The following ERBB4 variants were observed in gnomAD, a reference collection of about 807,000 sequenced individuals.
The protein encoded by ERBB4 is receptor tyrosine-protein kinase erbB-4.
A neutral mutation model predicts 158.0 loss-of-function variants in ERBB4; 42 were observed. The ratio of observed to expected loss-of-function variants is 0.27; its 90% CI spans 0.21 to 0.34. ERBB4 has a LOEUF of 0.34. Ranked by LOEUF, ERBB4 falls within the 10% of genes least tolerant of loss-of-function variation. The pLI, the probability that ERBB4 is intolerant of heterozygous loss-of-function variation, is 1.00. For missense variants in ERBB4, 1,333 were observed against 1,624.1 expected, an observed-to-expected ratio of 0.82 and a Z score of 3.08; for synonymous variants, 583 against 558.7, an observed-to-expected ratio of 1.04 and a Z score of -0.61.
intron 12 of ERBB4, among the ~76,000 whole-genome samples, chr2:211,701,054 T>C (rs1319540452): frequency 6.6e-6 from 1 of 152,318 alleles, no homozygotes; most frequent in South Asian, 2.1e-4. Context: ...AGGAATGGCA[T>C]AGTCATGTGC....
chr2:211,610,135 T>C (rs540249456), intron 19 of ERBB4, among the ~76,000 whole-genome samples: 3 of 152,184 alleles, frequency 2.0e-5, no homozygotes, highest in Admixed American at 6.5e-5. Flanking sequence ...TTTTATCTTT[T>C]ATCCACATAC....
chr2:211,583,144 T>A (rs1464500388), intron 19 of ERBB4, among the ~76,000 whole-genome samples: 1 of 152,112 alleles, frequency 6.6e-6, no homozygotes. Flanking sequence ...TAGTGGACAG[T>A]GTATTTTTCA....
chr2:212,266,297 G>A (rs958679649), intron 1 of ERBB4, among the ~76,000 whole-genome samples: 1 of 151,660 alleles, frequency 6.6e-6, no homozygotes, highest in Non-Finnish European at 1.5e-5. Flanking sequence ...CCAAAAGAAG[G>A]ACTTCTAATC....
intron 1 of ERBB4, among the ~76,000 whole-genome samples, chr2:212,129,189 T>A: frequency 6.6e-6 from 1 of 151,642 alleles, no homozygotes; most frequent in Admixed American, 6.6e-5. Flanking sequence ...ATATAATTTA[T>A]GTTGTATAGT....
At chr2:211,508,763 C>A (rs899644362) in intron 20 of ERBB4, among the ~76,000 whole-genome samples, 1 of 152,084 alleles carries the variant, frequency 6.6e-6, no homozygotes, top group Non-Finnish European at 1.5e-5. Flanking sequence ...CCCAAACGCC[C>A]ATCAGTGATA....
intron 19 of ERBB4, among the ~76,000 whole-genome samples, chr2:211,607,292 T>G (rs1486656701): frequency 6.6e-6 from 1 of 152,186 alleles, no homozygotes; most frequent in Non-Finnish European, 1.5e-5. Context: ...TAAGCAGCAT[T>G]TTTGCTATTA....
At chr2:212,443,161 C>G (rs182889501) in intron 1 of ERBB4, among the ~76,000 whole-genome samples, 1 of 152,346 alleles carries the variant, frequency 6.6e-6, no homozygotes, top group East Asian at 1.9e-4. Context: ...CAGCAATGTA[C>G]CTTTACTGTC....
chr2:212,106,339 G>A (rs1559507990), intron 2 of ERBB4, among the ~76,000 whole-genome samples: 1 of 152,194 alleles, frequency 6.6e-6, no homozygotes. Context: ...CTCTTGTTAT[G>A]TTTTAACAAA....
chr2:212,032,626 A>G (rs986354711), intron 2 of ERBB4, among the ~76,000 whole-genome samples: 2 of 152,086 alleles, frequency 1.3e-5, no homozygotes, highest in African/African-American at 4.8e-5. Context: ...AATAATCTTT[A>G]GAGAAAATTA....
intron 1 of ERBB4, among the ~76,000 whole-genome samples, chr2:212,521,635 C>CTTTTATA (rs1184600061): frequency 5.9e-4 from 85 of 143,416 alleles, no homozygotes; most frequent in African/African-American, 2.2e-3. Context: ...TACTATGTAC[C>CTTTTATA]TGATGCTATT....
chr2:211,944,199 A>ATATATAT (rs1559155134), intron 3 of ERBB4, among the ~76,000 whole-genome samples: 2 of 107,872 alleles, frequency 1.9e-5, no homozygotes, highest in Non-Finnish European at 3.6e-5. Flanking sequence ...ATATATATAT[A>ATATATAT]CTATATATAT....
intron 13 of ERBB4, among the ~76,000 whole-genome samples, chr2:211,677,577 T>TA (rs566073475): frequency 0.017 from 1,956 of 117,330 alleles, 42 homozygotes; most frequent in African/African-American, 0.049. Context: ...AAAAATAAAT[T>TA]AAAAAAAAAA....
At chr2:211,633,244 AAATT>A (rs1220145824) in intron 16 of ERBB4, among the ~76,000 whole-genome samples, 4 of 152,132 alleles carry the variant, frequency 2.6e-5, no homozygotes, top group Non-Finnish European at 4.4e-5. Flanking sequence ...ATCTAAATAT[AAATT>A]ATATAGTAGA....
At chr2:212,373,741 ATATATATCCATGTATATATCCACG>A (rs2090167043) in intron 1 of ERBB4, among the ~76,000 whole-genome samples, 1 of 138,878 alleles carries the variant, frequency 7.2e-6, no homozygotes, top group Non-Finnish European at 1.6e-5. Context: ...ATATATCCAT[ATATATATCCATGTATATATCCACG>A]TATATATCCA....
intron 20 of ERBB4, among the ~76,000 whole-genome samples, chr2:211,431,986 AG>A (rs976260505): frequency 4.5e-4 from 68 of 152,246 alleles, no homozygotes; most frequent in South Asian, 1.0e-3. Context: ...AGGTAAACTA[AG>A]GGTTGCTAAA....
Position 211,849,860 on chromosome 2 carries a change from T to C in ERBB4, c.422-61701A>G, listed in dbSNP as rs573568867. Among the ~76,000 whole-genome samples, 3 of 152,132 alleles carry C rather than the reference T, an allele frequency of 2.0e-5. No homozygotes were observed. The South Asian group carries it at 6.2e-4, about 32-fold the overall frequency. On this transcript the variant is annotated intron_variant, in intron 3 of 27. Coordinates refer to ENST00000342788, the MANE Select transcript of ERBB4 (RefSeq NM_005235.3). ...AAATGAGGTGGAGAATAGCACATTT[T>C]ATGCACAAATAGCATGTTTGGTTTT... is the stretch of plus-strand genomic sequence containing the variant.
chr2:211,523,453 T>G lies in ERBB4; in HGVS notation c.2487+38450A>C, dbSNP rs375112882. On this transcript the variant is annotated intron_variant, in intron 20 of 27. Coordinates refer to ENST00000342788, the MANE Select transcript of ERBB4 (RefSeq NM_005235.3). ...ACTTCAAGAATGAAGCGGTGGACCC[T>G]TGCGGTGAGTGTTACAGCTCTTAAG... Among the ~76,000 whole-genome samples, 138 of 151,620 alleles carry G rather than the reference T, an allele frequency of 9.1e-4. 1 individual carries two copies. Among genetic ancestry groups the G allele is most frequent in the African/African-American group, 3.1e-3 (128 of 41,384 alleles).
intron 1 of ERBB4, among the ~76,000 whole-genome samples, chr2:212,497,143 A>C (rs1346599399): frequency 1.4e-5 from 2 of 146,972 alleles, no homozygotes; most frequent in Non-Finnish European, 3.0e-5. Context: ...ACACCATTGC[A>C]CTCCAGCCTG....
intron 1 of ERBB4, among the ~76,000 whole-genome samples, chr2:212,470,526 T>G (rs1689064994): frequency 6.6e-6 from 1 of 152,112 alleles, no homozygotes; most frequent in Admixed American, 6.6e-5. Flanking sequence ...ACCTTATTCT[T>G]TGAATGGCAA....
Sources: gnomAD v4.1 joint callset for allele counts (sites outside exome capture counted in the v4.1 genomes callset) on GRCh38, gnomAD v4.1.1 for gene constraint, MANE v1.5 for transcripts, NCBI Gene and HGNC (gene_info 2026-07-23, HGNC 2026-07-21) for gene names.